The following CELF2 variants were observed in gnomAD, a reference collection of about 807,000 sequenced individuals.
The protein encoded by CELF2 is CUGBP Elav-like family member 2.
A neutral mutation model predicts 62.6 loss-of-function variants in CELF2; 8 were observed. The observed-to-expected ratio is 0.13, with a 90% CI of 0.07 to 0.23. CELF2 has a LOEUF of 0.23. Ranked by LOEUF, CELF2 falls within the 10% of genes least tolerant of loss-of-function variation. The pLI is 1.00. For missense variants in CELF2, 333 were observed against 671.0 expected (o/e 0.50, Z 5.56); for synonymous variants, 258 against 250.0 (o/e 1.03, Z -0.30).
chr10:10,849,458 C>T (rs999287123), intron 1 of CELF2, among the ~76,000 whole-genome samples: 5 of 151,948 alleles, frequency 3.3e-5, no homozygotes, highest in Admixed American at 2.0e-4. Flanking sequence ...GAATACTATA[C>T]ACTCTTTCCC....
Position 10,957,625 on chromosome 10 carries a change from G to A in CELF2, c.89+37626G>A, listed in dbSNP as rs1048737171. ...GGGCAACCTCTTACCTGAAGAACAC[G>A]TTCAGGATCACTTCTGTGCTCCCGA... On this transcript the variant is annotated intron_variant, in intron 2 of 13. Coordinates refer to the CELF2 transcript ENST00000636488. This position sits in a 1 kb window ranked among gnomAD's most constrained non-coding sequence, Gnocchi z 4.1. Among the ~76,000 whole-genome samples the A allele has an allele frequency of 3.3e-5, 5 of 152,110 alleles. No homozygotes were observed. The highest frequency in any genetic ancestry group is 9.7e-5 in the African/African-American group (4 of 41,428).
At chr10:10,522,854 G>T in the CELF2 span, among the ~76,000 whole-genome samples, 1 of 152,194 alleles carries the variant, frequency 6.6e-6, no homozygotes, top group African/African-American at 2.4e-5. Flanking sequence ...ACAGGCATAA[G>T]CCACCGTGTC....
rs1365130806 is a variant in CELF2, at chr10:10,931,482, G to A, written c.89+11483G>A. Among the ~76,000 whole-genome samples, 9 of 152,164 alleles carry A rather than the reference G, an allele frequency of 5.9e-5. No individual in the cohort carries two copies. Among genetic ancestry groups the A allele is most frequent in the Admixed American group, 5.9e-4 (9 of 15,274 alleles). Reference sequence around the variant, plus strand: ...AGTGGAAACTCTATTTACCACCACAGTTATAGCATTTGAGACCCTCCCTCA... The same window carrying A: ...AGTGGAAACTCTATTTACCACCACAATTATAGCATTTGAGACCCTCCCTCA... On this transcript the variant is annotated intron_variant, in intron 2 of 13. Transcript: ENST00000636488. The surrounding 1 kb of genome is among the most constrained non-coding windows in gnomAD (Gnocchi z 6.1).
At chr10:11,032,835 G>T (rs566606161) in intron 1 of CELF2, among the ~76,000 whole-genome samples, 2 of 152,134 alleles carry the variant, frequency 1.3e-5, no homozygotes, top group African/African-American at 4.8e-5. Flanking sequence ...TGTTTATTGG[G>T]TCATAATTAA....
intron 1 of CELF2, among the ~76,000 whole-genome samples, chr10:10,871,161 T>C (rs1160300984): frequency 2.6e-5 from 4 of 152,172 alleles, no homozygotes; most frequent in African/African-American, 9.6e-5. Context: ...TCAAAATGTG[T>C]CAAACCATGC....
intron 1 of CELF2, among the ~76,000 whole-genome samples, chr10:10,858,768 A>G (rs1356415851): frequency 2.6e-5 from 4 of 152,192 alleles, no homozygotes; most frequent in Admixed American, 6.6e-5. Flanking sequence ...TAAAAAAAAA[A>G]AATCTAGGGA....
chr10:11,146,889 G>A (rs1039468783), intron 1 of CELF2, among the ~76,000 whole-genome samples: 1 of 152,230 alleles, frequency 6.6e-6, no homozygotes, highest in Admixed American at 6.5e-5. Context: ...TCAGCAGCCA[G>A]CCTGTAGCCT....
intron 5 of CELF2, among the ~76,000 whole-genome samples, chr10:11,262,193 C>G (rs1479530117): frequency 6.6e-6 from 1 of 152,172 alleles, no homozygotes. Context: ...GGGATGTTGG[C>G]AAGTACAGAC....
intron 11 of CELF2, 135 bp from the exon 12 acceptor site, chr10:11,325,701 C>A: frequency 2.7e-6 from 2 of 732,524 alleles, no homozygotes; most frequent in South Asian, 2.1e-5. Flanking sequence ...GGCACTCCAG[C>A]ACTTGACATT....
the CELF2 span, among the ~76,000 whole-genome samples, chr10:10,691,681 T>G: frequency 6.7e-6 from 1 of 148,384 alleles, no homozygotes; most frequent in African/African-American, 2.5e-5. Context: ...GTTTCCTGAC[T>G]TTTTAATGAT....
chr10:10,928,459 A>G lies in CELF2; in HGVS notation c.89+8460A>G, dbSNP rs2065755953. On this transcript the variant is annotated intron_variant, in intron 2 of 13. Transcript: ENST00000636488. This position sits in a 1 kb window ranked among gnomAD's most constrained non-coding sequence, Gnocchi z 4.8. ...ATCCGGATTTTGCAAACTACAGCCC[A>G]CAGACGAAATCTAGATAGTGGCCTG... 6.6e-6 allele frequency among the ~76,000 whole-genome samples: 1 copy of G among 152,170 alleles called. No individual in the cohort carries two copies. Among genetic ancestry groups the G allele is most frequent in the Admixed American group, 6.5e-5 (1 of 15,278 alleles).
At chr10:11,196,324 C>G (rs577984114) in intron 2 of CELF2, among the ~76,000 whole-genome samples, 38 of 152,332 alleles carry the variant, frequency 2.5e-4, no homozygotes, top group African/African-American at 9.1e-4. Flanking sequence ...ACATAGATAC[C>G]TGTTCAGTAA....
the CELF2 span, among the ~76,000 whole-genome samples, chr10:10,774,371 C>T: frequency 6.6e-6 from 1 of 152,186 alleles, no homozygotes; most frequent in Admixed American, 6.5e-5. Context: ...GGTTCCCACC[C>T]AAACCTCAGG....
chr10:10,650,325 A>T, the CELF2 span, among the ~76,000 whole-genome samples: 4 of 152,256 alleles, frequency 2.6e-5, no homozygotes, highest in Admixed American at 1.3e-4. Flanking sequence ...ATTTTCATTA[A>T]GCACATTTAA....
At chr10:10,570,144 C>T in the CELF2 span, among the ~76,000 whole-genome samples, 1 of 152,114 alleles carries the variant, frequency 6.6e-6, no homozygotes, top group African/African-American at 2.4e-5. Context: ...ATATAGGGAG[C>T]TGTGGGTCTA....
chr10:10,937,992 A>G (rs75907719), intron 2 of CELF2, among the ~76,000 whole-genome samples: 8,972 of 152,248 alleles, frequency 0.059, 354 homozygotes, highest in Middle Eastern at 0.13. Flanking sequence ...GAGAAGCAAA[A>G]TTCTTCTCTA....
the CELF2 span, among the ~76,000 whole-genome samples, chr10:10,649,926 G>A: frequency 6.6e-6 from 1 of 152,068 alleles, no homozygotes; most frequent in African/African-American, 2.4e-5. Context: ...TCTCTGCAGC[G>A]GGATGATTTA....
chr10:10,626,382 G>T, the CELF2 span, among the ~76,000 whole-genome samples: 1 of 152,146 alleles, frequency 6.6e-6, no homozygotes, highest in Non-Finnish European at 1.5e-5. Flanking sequence ...AGATAAGATT[G>T]ATCTAGGGTA....
chr10:10,727,842 T>C, the CELF2 span, among the ~76,000 whole-genome samples: 7 of 151,962 alleles, frequency 4.6e-5, no homozygotes, highest in Non-Finnish European at 5.9e-5. Flanking sequence ...TCCTTTATGG[T>C]ATACAGTTAC....
Sources: allele counts gnomAD v4.1 joint callset (sites outside exome capture counted in the v4.1 genomes callset), GRCh38; gene constraint gnomAD v4.1.1; non-coding constraint Gnocchi (gnomAD v3.1); transcripts MANE v1.5; gene names NCBI Gene and HGNC (gene_info 2026-07-23, HGNC 2026-07-21).